Variants in PALM3 observed in about 807,000 individuals in gnomAD.
PALM3 encodes paralemmin-3.
In PALM3, 20 loss-of-function variants were observed where a neutral mutation model predicts 27.9. The observed-to-expected ratio is 0.72, with a 90% CI of 0.50 to 1.04. The LOEUF (loss-of-function observed/expected upper bound fraction) is 1.04. Ranked by LOEUF, PALM3 falls within the 50% of genes least tolerant of loss-of-function variation. The pLI is 0.00. For missense variants in PALM3, 814 were observed against 869.4 expected (o/e 0.94, Z 0.80); for synonymous variants, 328 against 352.7 (o/e 0.93, Z 0.79).
rs1330860059 is a variant in PALM3 at position 14,053,718 on chromosome 19, G to A, written c.1954C>T (p.His652Tyr). The A allele has an allele frequency of 3.3e-6, 5 of 1,520,198 alleles. No homozygotes were observed. The highest frequency in any genetic ancestry group is 2.6e-5 in the South Asian group (2 of 78,214). 94.2% of individuals were successfully genotyped at this position (1,520,198 alleles called of 1,614,324 possible). The stretch of plus-strand genomic sequence containing the variant: ...GCAGGCGCGTAGGTGGGCACAGGGT[G>A]GGCACTGGGGTTGGCGCTGGGCCCC... ...GEGPSANPSAHPVPTYAPARQ... is the reference protein window; with the variant it reads ...GEGPSANPSAYPVPTYAPARQ... The change falls in exon 7 of 7, where the codon CAC (histidine) becomes TAC (tyrosine). Residue 652 changes from histidine to tyrosine, a missense_variant. Transcript: ENST00000669674.
chr19:14,056,408 C>G (rs921769017), intron 5 of PALM3, 21 bp downstream of exon 5: 2 of 1,539,258 alleles, frequency 1.3e-6, no homozygotes, highest in East Asian at 4.9e-5. Context: ...TCCCATCCCA[C>G]TCCCCTGATT....
Position 14,057,387 on chromosome 19 carries a change from C to T in PALM3, c.135G>A (p.Glu45=). 1 of 1,545,230 alleles carries T rather than the reference C, an allele frequency of 6.5e-7. No individual in the cohort carries two copies. Among genetic ancestry groups the T allele is most frequent in the Non-Finnish European group, 8.7e-7 (1 of 1,145,510 alleles). ...LQEEIRAARR[E]VEEEKLRVER... is the part of the protein sequence containing the mutation. ...CCACGCGGAGTTTCTCCTCCTCCAC[C>T]TCCCGGCGCGCGGCGCGGATCTCCT... The change falls in exon 3 of 7, where the codon GAG becomes GAA. Residue 45 remains glutamate (E), a synonymous_variant. Transcript: ENST00000669674.
intron 2 of PALM3, 67 bp downstream of exon 2, chr19:14,059,048 G>A (rs997597426): frequency 1.4e-6 from 2 of 1,396,686 alleles, no homozygotes; most frequent in Non-Finnish European, 1.9e-6. Context: ...AGAGATGACG[G>A]AGAGACGAGA....
intron 5 of PALM3, 91 bp from the exon 6 acceptor site, chr19:14,055,516 T>G: frequency 1.6e-6 from 2 of 1,251,112 alleles, no homozygotes; most frequent in Non-Finnish European, 2.3e-6. Flanking sequence ...CACCCCTAAA[T>G]ACCCTCAGTG....
rs1328213936 is a variant in PALM3, at chr19:14,053,882, A to G, written c.1790T>C (p.Val597Ala). Reference protein sequence around the residue: ...KEGPQPQEKPVGALEEEGVKP... With the variant: ...KEGPQPQEKPAGALEEEGVKP... ...CACTCCTTCCTCCTCCAGGGCTCCT[A>G]CTGGCTTCTCCTGGGGCTGGGGTCC... Residue 597 changes from valine to alanine, a missense_variant, in exon 7 of 7, where the codon GTA becomes GCA. Val to Ala is a moderately conservative substitution (Grantham distance 64). Transcript: ENST00000669674. The G allele has an allele frequency of 6.4e-7, 1 of 1,551,320 alleles. No individual in the cohort carries two copies.
In PALM3 at chr19:14,054,298, C is replaced by T. The variant is rs1367765640; in HGVS notation, c.1374G>A (p.Leu458=). 6.4e-7 allele frequency: 1 copy of T among 1,552,270 alleles called. No individual in the cohort carries two copies. Among genetic ancestry groups the T allele is most frequent in the Non-Finnish European group, 8.7e-7 (1 of 1,147,130 alleles). The change falls in exon 7 of 7, where the codon CTG becomes CTA. Residue 458 remains leucine, a synonymous_variant. Transcript: ENST00000669674. Reference sequence around the variant, plus strand: ...CCTCACCTCCTTCCCTCTCTGTTCCCAGCTTTTCTGCACTTCCTCTGCTCT... The same window carrying T: ...CCTCACCTCCTTCCCTCTCTGTTCCTAGCTTTTCTGCACTTCCTCTGCTCT... The part of the protein sequence containing the change: ...ELESRGSAEK[L]GTEREGGEEP...
intron 2 of PALM3, among the ~76,000 whole-genome samples, chr19:14,058,805 T>C (rs908946632): frequency 2.0e-5 from 3 of 150,806 alleles, no homozygotes; most frequent in Admixed American, 6.6e-5. Flanking sequence ...GTAGGGAGAT[T>C]TGAGAGATAG....
At chr19:14,056,828 G>T (rs759941237) in intron 3 of PALM3, 24 bp from the exon 4 acceptor site, 18 of 1,530,862 alleles carry the variant, frequency 1.2e-5, no homozygotes, top group Middle Eastern at 3.4e-4. Flanking sequence ...GGGAGTTGGG[G>T]CTGGGCATAC....
intron 5 of PALM3, among the ~76,000 whole-genome samples, chr19:14,056,123 G>A (rs1380040789): frequency 6.6e-6 from 1 of 152,192 alleles, no homozygotes; most frequent in Non-Finnish European, 1.5e-5. Context: ...TGGCCAGGCT[G>A]GTCTCCAATT....
rs563405854 is a variant in PALM3 at position 14,055,104 on chromosome 19, C to T, written c.568G>A (p.Gly190Arg). Residue 190 changes from glycine to arginine, a missense_variant, in exon 7 of 7, where the codon GGG becomes AGG. Transcript: ENST00000669674. ...GFLPGPRQVP[G>R]AAGDSSEANG... ...GCTTCTGAGGAGTCTCCTGCTGCCC[C>T]GGGGACCTGCCTCGGGCCTGGCAGA... is the stretch of plus-strand genomic sequence containing the variant. 82 of 1,551,546 alleles carry T rather than the reference C, an allele frequency of 5.3e-5. 1 individual carries two copies. The South Asian group carries it at 5.9e-4, about 11-fold the overall frequency.
intron 2 of PALM3, 187 bp from the exon 3 acceptor site, chr19:14,057,618 T>A: frequency 6.3e-6 from 1 of 159,034 alleles, no homozygotes; most frequent in Non-Finnish European, 1.2e-5. Flanking sequence ...GCGGAGGCGC[T>A]GACTCAGCGG....
intron 5 of PALM3, among the ~76,000 whole-genome samples, chr19:14,055,729 T>TA (rs1369184078): frequency 6.6e-6 from 1 of 152,200 alleles, no homozygotes; most frequent in Non-Finnish European, 1.5e-5. Context: ...TTTTGGCACT[T>TA]ACATTCCAAT....
chr19:14,057,335 C>A lies in PALM3; in HGVS notation c.171+16G>T. On this transcript the variant is annotated intron_variant, in intron 3 of 6. Transcript: ENST00000669674. ...CCATTCCCCAGGCTAGGCAGGCGCC[C>A]CCGCCCGCCCCCAACCTTGAGACGC... 2 of 1,532,326 alleles carry A rather than the reference C, an allele frequency of 1.3e-6. No individual in the cohort carries two copies. The highest frequency in any genetic ancestry group is 2.4e-5 in the South Asian group (2 of 83,140). The allele number at this position is 1,532,326 out of a possible 1,614,324, so 94.9% of individuals were successfully genotyped here. A position where few individuals can be genotyped will look rare whatever the true frequency, so the allele number is the denominator to read the frequency against.
chr19:14,058,616 G>A (rs1200155109), intron 2 of PALM3, among the ~76,000 whole-genome samples: 2 of 151,804 alleles, frequency 1.3e-5, no homozygotes, highest in African/African-American at 4.8e-5. Flanking sequence ...TGGAGGTATG[G>A]ATAGATGGGG....
chr19:14,055,382 A>T lies in PALM3; in HGVS notation c.443T>A (p.Val148Glu). ...GACCTAGGGGCTCCCACACTTACCTACAGAACCTGCCTCGACAATGGACTG... is the reference window on the plus strand; with the variant it reads ...GACCTAGGGGCTCCCACACTTACCTTCAGAACCTGCCTCGACAATGGACTG... The part of the protein sequence containing the change: ...LSQSIVEAGS[V>E]GQTDLNKRAS... The change falls in exon 6 of 7, where the codon GTA becomes GAA. Residue 148 changes from valine (V) to glutamate (E), a missense_variant and splice_region_variant. By Grantham distance (121) the Val-to-Glu change is moderately radical. Coordinates refer to ENST00000669674, the MANE Select transcript of PALM3 (RefSeq NM_001145028.2). The T allele has an allele frequency of 1.3e-6, 2 of 1,547,616 alleles. No individual in the cohort carries two copies. Among genetic ancestry groups the T allele is most frequent in the Non-Finnish European group, 1.7e-6 (2 of 1,146,604 alleles).
Position 14,054,643 on chromosome 19 carries a change from A to C in PALM3, c.1029T>G (p.Gly343=), listed in dbSNP as rs1031679187. 4 of 1,550,698 alleles carry C rather than the reference A, an allele frequency of 2.6e-6. No individual in the cohort carries two copies. The highest frequency in any genetic ancestry group is 2.7e-5 in the African/African-American group (2 of 72,870). ...GEDVPQGSPE[G]DGQGGSGGEE... is the part of the protein sequence containing the mutation. ...CTCCTCCAGAGCCTCCCTGCCCATC[A>C]CCCTCAGGGCTGCCCTGGGGCACAT... The change falls in exon 7 of 7, where the codon GGT becomes GGG. Residue 343 remains glycine (G), a synonymous_variant. Coordinates refer to ENST00000669674, the MANE Select transcript of PALM3 (RefSeq NM_001145028.2).
chr19:14,054,978 C>T lies in PALM3; in HGVS notation c.694G>A (p.Val232Met), dbSNP rs746652825. Residue 232 changes from valine (V) to methionine (M), a missense_variant, in exon 7 of 7, where the codon GTG (valine) becomes ATG (methionine). Transcript: ENST00000669674. The stretch of plus-strand genomic sequence containing the variant: ...AGCCCTTCCCACACCACACTCACCA[C>T]GCCCCCTCCTTTGGCCTCACCCACC... ...GRVGEAKGGG[V>M]VSVVWEGLRA... 77 of 1,548,960 alleles carry T rather than the reference C, an allele frequency of 5.0e-5. No homozygotes were observed. Among genetic ancestry groups the T allele is most frequent in the Middle Eastern group, 1.7e-4 (1 of 6,002 alleles).
intron 1 of PALM3, 147 bp from the exon 2 acceptor site, chr19:14,059,310 G>T (rs1250229963): frequency 5.0e-6 from 2 of 396,678 alleles, no homozygotes; most frequent in Non-Finnish European, 6.9e-6. Flanking sequence ...TGGGCGGGGG[G>T]CGAGGGTCTT....
chr19:14,053,548 G>A lies in PALM3; in HGVS notation c.*57C>T. On this transcript the variant is annotated 3_prime_UTR_variant, in exon 7 of 7. Coordinates refer to ENST00000669674, the MANE Select transcript of PALM3 (RefSeq NM_001145028.2). ...CTGTGCCTGGGACCCTCTTCTGGGT[G>A]CCAAGAGGCCGAGGTAGCTGTGAGA... 1 of 1,428,304 alleles carries A rather than the reference G, an allele frequency of 7.0e-7. No individual in the cohort carries two copies. Among genetic ancestry groups the A allele is most frequent in the Non-Finnish European group, 9.2e-7 (1 of 1,089,398 alleles). 88.5% of individuals were successfully genotyped at this position (1,428,304 alleles called of 1,614,324 possible).
Sources: gnomAD v4.1 joint callset for allele counts (sites outside exome capture counted in the v4.1 genomes callset) on GRCh38, gnomAD v4.1.1 for gene constraint, MANE v1.5 for transcripts, NCBI Gene and HGNC (gene_info 2026-07-23, HGNC 2026-07-21) for gene names.